The following MDGA1 variants were observed in gnomAD, a reference collection of about 807,000 sequenced individuals.
The protein encoded by MDGA1 is MAM domain containing glycosylphosphatidylinositol anchor 1, also known as MAM domain-containing glycosylphosphatidylinositol anchor protein 1.
Under a neutral mutation model 101.5 loss-of-function variants are expected in MDGA1, and 54 were observed. The ratio of observed to expected loss-of-function variants is 0.53; its 90% confidence interval spans 0.43 to 0.67. The LOEUF is 0.67. Ranked by LOEUF, MDGA1 falls within the 30% of genes least tolerant of loss-of-function variation. The pLI is 0.00. For missense variants in MDGA1, 1,083 were observed against 1,323.8 expected (o/e 0.82, Z 2.82); for synonymous variants, 533 against 558.3 (o/e 0.95, Z 0.64).
At chr6:37,644,005 T>C in intron 13 of MDGA1, 62 bp from the exon 14 acceptor site, 1 of 1,593,804 alleles carries the variant, frequency 6.3e-7, no homozygotes, top group Non-Finnish European at 8.5e-7. Flanking sequence ...TCCTACCTGA[T>C]TCCCTCTCTG....
At chr6:37,660,182 T>G (rs1188612371) in intron 2 of MDGA1, among the ~76,000 whole-genome samples, 172 of 149,598 alleles carry the variant, frequency 1.1e-3, no homozygotes, top group Middle Eastern at 3.5e-3. Flanking sequence ...CTGGCTAATT[T>G]TTTTTTTTTT....
rs1370748155 is a variant in MDGA1 at position 37,648,995 on chromosome 6, G to A, written c.1881C>T (p.Leu627=). The change falls in exon 9 of 17, where the codon CTC becomes CTT. Residue 627 remains leucine, a synonymous_variant. Transcript: ENST00000434837. ...CTGGACGCTCACCGGAGACCTGGAA[G>A]AGGCAGGCAGCCGAGCCCACATCGT... ...VSNDVGSAAC[L]FQVSAKAYSP... The A allele has an allele frequency of 6.4e-6, 10 of 1,552,966 alleles. No homozygotes were observed. In the South Asian group the frequency reaches 1.2e-4, roughly 18 times the overall value.
At chr6:37,658,489 C>T in intron 2 of MDGA1, 70 bp from the exon 3 acceptor site, 1 of 1,432,116 alleles carries the variant, frequency 7.0e-7, no homozygotes, top group Non-Finnish European at 9.4e-7. Context: ...CGCTGAGTGC[C>T]CTGCAACGGC....
Position 37,663,992 on chromosome 6 carries a change from A to C in MDGA1, c.182T>G (p.Leu61Arg). ...CTGGGGTCGAGGGTGCCCTGTTACA[A>C]GGCACTGCAGCATGAGGGTGTCCCC... ...REGDTLMLQC[L>R]VTGHPRPQVR... Residue 61 changes from leucine (L) to arginine (R), a missense_variant, in exon 2 of 17, where the codon CTT becomes CGT. Around this residue, in one of 3 missense-constraint regions of MDGA1, gnomAD observed 310 missense variants for 355.9 expected, o/e 0.87. Transcript: ENST00000434837. The C allele has an allele frequency of 6.2e-7, 1 of 1,613,766 alleles. No homozygotes were observed. The highest frequency in any genetic ancestry group is 8.5e-7 in the Non-Finnish European group (1 of 1,179,780).
At chr6:37,643,741 T>G in intron 14 of MDGA1, 68 bp downstream of exon 14, 1 of 1,594,780 alleles carries the variant, frequency 6.3e-7, no homozygotes. Context: ...CATCGCCTCC[T>G]GTGGACCCCA....
At chr6:37,647,509 T>G (rs1761236701) in intron 9 of MDGA1, among the ~76,000 whole-genome samples, 185 bp from the exon 10 acceptor site, 1 of 149,022 alleles carries the variant, frequency 6.7e-6, no homozygotes, top group East Asian at 2.0e-4. Context: ...AAAACGAGGA[T>G]GGGATAGGAG....
intron 1 of MDGA1, among the ~76,000 whole-genome samples, chr6:37,692,547 T>G (rs895334728): frequency 6.6e-6 from 1 of 152,048 alleles, no homozygotes; most frequent in Non-Finnish European, 1.5e-5. Context: ...CCTGGGCAGC[T>G]GGGAGAAGCT....
intron 16 of MDGA1, chr6:37,637,992 G>C (rs1476109898): frequency 1.7e-6 from 1 of 605,346 alleles, no homozygotes; most frequent in South Asian, 2.1e-5. Context: ...TGCTCATCAC[G>C]AGGGTGGGGG....
intron 2 of MDGA1, 145 bp downstream of exon 2, chr6:37,663,822 T>C: frequency 1.1e-6 from 1 of 899,406 alleles, no homozygotes; most frequent in Non-Finnish European, 1.6e-6. Context: ...ATTTTCCTGC[T>C]ATTTCCCCAG....
intron 14 of MDGA1, 80 bp downstream of exon 14, chr6:37,643,729 C>G (rs1450484538): frequency 6.3e-7 from 1 of 1,575,490 alleles, no homozygotes; most frequent in Non-Finnish European, 8.6e-7. Flanking sequence ...CATGGGCCAG[C>G]CCATCGCCTC....
Position 37,696,853 on chromosome 6 carries a change from G to A in MDGA1, c.-42C>T, listed in dbSNP as rs1352301931. On this transcript the variant is annotated 5_prime_UTR_variant, in exon 1 of 17. Coordinates refer to ENST00000434837, the MANE Select transcript of MDGA1 (RefSeq NM_153487.4). This position sits in a 1 kb window ranked among gnomAD's most constrained non-coding sequence, Gnocchi z 5.6. Reference sequence around the variant, plus strand: ...TCATCCCCGCGAGGCGGCGCAGCCCGAGAGGCGGCGGGGGGCGCATTCGCC... The same window carrying A: ...TCATCCCCGCGAGGCGGCGCAGCCCAAGAGGCGGCGGGGGGCGCATTCGCC... 19 of 1,534,836 alleles carry A rather than the reference G, an allele frequency of 1.2e-5. No individual in the cohort carries two copies. The highest frequency in any genetic ancestry group is 1.7e-5 in the Non-Finnish European group (19 of 1,132,518).
rs1762435375 is a variant in MDGA1, at chr6:37,696,963, C to T, written c.-152G>A. On this transcript the variant is annotated 5_prime_UTR_variant, in exon 1 of 17. Coordinates refer to ENST00000434837, the MANE Select transcript of MDGA1 (RefSeq NM_153487.4). This position sits in a 1 kb window ranked among gnomAD's most constrained non-coding sequence, Gnocchi z 5.6. ...GACGAAGACCAGGAGACTGAAGAGG[C>T]GGAGGTGGCGGCGACCCGTGTTTCT... The T allele has an allele frequency of 3.1e-6, 2 of 639,110 alleles. No homozygotes were observed. Among genetic ancestry groups the T allele is most frequent in the African/African-American group, 1.9e-5 (1 of 53,812 alleles). The allele number at this position is 639,110 out of a possible 1,614,324, so 39.6% of individuals were successfully genotyped here. A position where few individuals can be genotyped will look rare whatever the true frequency, so the allele number is the denominator to read the frequency against.
chr6:37,680,545 G>A (rs1004042512), intron 1 of MDGA1, among the ~76,000 whole-genome samples: 8 of 152,242 alleles, frequency 5.3e-5, no homozygotes, highest in East Asian at 3.8e-4. Context: ...TCCAGTGCCC[G>A]GCAAACAGCA....
rs1761538338 is a variant in MDGA1, at chr6:37,658,299, C to T, written c.328G>A (p.Ala110Thr). 1.4e-5 allele frequency: 23 copies of T among 1,611,864 alleles called. No homozygotes were observed. The highest frequency in any genetic ancestry group is 2.0e-5 in the Non-Finnish European group (23 of 1,179,340). The change falls in exon 3 of 17, where the codon GCT becomes ACT. Residue 110 changes from alanine to threonine, a missense_variant. By Grantham distance (58) the Ala-to-Thr change is moderately conservative. Transcript: ENST00000434837. ...RTQGGRYYCK[A>T]ENGVGVPAIK... ...GCCGGCACCCCCACGCCGTTCTCAG[C>T]CTTGCAGTAGTAGCGGCCGCCCTGC...
At chr6:37,650,885 T>C (rs1191307855) in intron 7 of MDGA1, among the ~76,000 whole-genome samples, 4 of 151,946 alleles carry the variant, frequency 2.6e-5, no homozygotes, top group Non-Finnish European at 5.9e-5. Flanking sequence ...GAAAAAAGAG[T>C]ACATCTCCCA....
chr6:37,670,100 C>T lies in MDGA1; in HGVS notation c.68-5994G>A, dbSNP rs530825681. Among the ~76,000 whole-genome samples, 15 of 152,340 alleles carry T rather than the reference C, an allele frequency of 9.8e-5. No individual in the cohort carries two copies. The South Asian group carries it at 3.1e-3, about 32-fold the overall frequency. On this transcript the variant is annotated intron_variant, in intron 1 of 16. Coordinates refer to ENST00000434837, the MANE Select transcript of MDGA1 (RefSeq NM_153487.4). ...ATGCTGTGTGATGCTGAGCAAATTA[C>T]TTAACCTCTCTGAGCCTCAGCCTCT...
chr6:37,663,248 C>T (rs1761667347), intron 2 of MDGA1, among the ~76,000 whole-genome samples: 1 of 152,182 alleles, frequency 6.6e-6, no homozygotes, highest in Non-Finnish European at 1.5e-5. Context: ...GAGCCATACA[C>T]TTCGACGGTG....
intron 14 of MDGA1, among the ~76,000 whole-genome samples, chr6:37,642,241 G>A (rs907216933): frequency 2.8e-5 from 4 of 145,098 alleles, no homozygotes; most frequent in South Asian, 2.2e-4. Flanking sequence ...GTGCAGTGGC[G>A]TGATCTCGGC....
Position 37,697,160 on chromosome 6 carries a change from G to C in MDGA1, c.-349C>G, listed in dbSNP as rs2127326514. On this transcript the variant is annotated 5_prime_UTR_variant, in exon 1 of 17. Coordinates refer to ENST00000434837, the MANE Select transcript of MDGA1 (RefSeq NM_153487.4). ...GGATGCTAGGCGCCGGGGACCTCTC[G>C]GCGGCGGAGGCGGCGCTTCGATCCA... is the stretch of plus-strand genomic sequence containing the variant. 1 of 217,962 alleles carries C rather than the reference G, an allele frequency of 4.6e-6. No homozygotes were observed. The highest frequency in any genetic ancestry group is 2.3e-5 in the African/African-American group (1 of 43,472). The allele number at this position is 217,962 out of a possible 1,614,324, so 13.5% of individuals were successfully genotyped here. A position where few individuals can be genotyped will look rare whatever the true frequency, so the allele number is the denominator to read the frequency against.
Sources: gnomAD v4.1 joint callset for allele counts (sites outside exome capture counted in the v4.1 genomes callset) on GRCh38, gnomAD v4.1.1 for gene constraint, gnomAD v4.1.1 regional missense constraint, Gnocchi (gnomAD v3.1) non-coding constraint, MANE v1.5 for transcripts, NCBI Gene and HGNC (gene_info 2026-07-23, HGNC 2026-07-21) for gene names.